The following ACTR3B variants were observed in gnomAD, a reference collection of about 807,000 sequenced individuals.
ACTR3B encodes the protein actin related protein 3B.
Under a neutral mutation model 59.0 loss-of-function variants are expected in ACTR3B, and 8 were observed. The ratio of observed to expected loss-of-function variants is 0.14; its 90% CI spans 0.08 to 0.24. The LOEUF (loss-of-function observed/expected upper bound fraction) is 0.24, where lower values mean the gene tolerates loss of function less well. ACTR3B is among the 10% of genes least tolerant of loss of function. The probability of loss-of-function intolerance (pLI) is 1.00; values close to 1 mark genes in which losing one functional copy is unlikely to be tolerated. For missense variants in ACTR3B, 245 were observed against 552.3 expected, an observed-to-expected ratio of 0.44 and a Z score of 5.58; for synonymous variants, 148 against 197.9, an observed-to-expected ratio of 0.75 and a Z score of 2.12.
Position 152,812,019 on chromosome 7 carries a change from C to CTTTTTTTTTTTTTTTTTT in ACTR3B, c.337-2519_337-2502dup, listed in dbSNP as rs1164677748. The CTTTTTTTTTTTTTTTTTT allele has an allele frequency of 4.7e-4, 11 of 23,378 alleles. 3 individuals are homozygous for CTTTTTTTTTTTTTTTTTT. Among genetic ancestry groups the CTTTTTTTTTTTTTTTTTT allele is most frequent in the African/African-American group, 9.0e-4 (8 of 8,844 alleles). The allele number at this position is 23,378 out of a possible 1,614,324, so 1.4% of individuals were successfully genotyped here. Reference sequence around the variant, plus strand: ...TTCTTAATTCCCAGAAAATAAAAGTCTTTTTTTTTTTTTTTTTTTTTTTTT... The same window carrying CTTTTTTTTTTTTTTTTTT: ...TTCTTAATTCCCAGAAAATAAAAGTCTTTTTTTTTTTTTTTTTTTTTTTTTTTTTTTTTTTTTTTTTTT... On this transcript the variant is annotated intron_variant, in intron 4 of 11. Coordinates refer to ENST00000256001, the MANE Select transcript of ACTR3B (RefSeq NM_020445.6).
rs753117754 is a variant in ACTR3B at position 152,800,514 on chromosome 7, T to C, written c.101-17T>C. The C allele has an allele frequency of 1.9e-6, 3 of 1,612,614 alleles. No individual in the cohort carries two copies. In the Admixed American group the frequency reaches 5.0e-5, roughly 27 times the overall value. On this transcript the variant is annotated splice_polypyrimidine_tract_variant and intron_variant, in intron 2 of 11. Coordinates refer to ENST00000256001, the MANE Select transcript of ACTR3B (RefSeq NM_020445.6). ...ATGGATAGTGATAGAAATCTGTGTG[T>C]GTGTGTTTTTTTTAAGGTATTGCCA...
At chr7:152,832,839 T>A (rs926827271) in intron 9 of ACTR3B, among the ~76,000 whole-genome samples, 3 of 152,234 alleles carry the variant, frequency 2.0e-5, no homozygotes, top group Non-Finnish European at 2.9e-5. Flanking sequence ...TTCAGCTGAC[T>A]GGATGAGGCC....
intron 2 of ACTR3B, among the ~76,000 whole-genome samples, chr7:152,796,238 A>G (rs1201001865): frequency 6.6e-6 from 1 of 152,124 alleles, no homozygotes; most frequent in African/African-American, 2.4e-5. Flanking sequence ...TTGCTATTAT[A>G]ATTAGTTCTA....
intron 9 of ACTR3B, among the ~76,000 whole-genome samples, chr7:152,840,454 G>A (rs866099073): frequency 6.6e-6 from 1 of 152,208 alleles, no homozygotes; most frequent in Non-Finnish European, 1.5e-5. Flanking sequence ...GGGCGTGGGA[G>A]CCCACGGGTG....
At position 152,820,743 on chromosome 7, in the gene ACTR3B, G is replaced by T. The variant is rs542916016; in HGVS notation, c.684+301G>T. On this transcript the variant is annotated intron_variant, in intron 7 of 11. Coordinates refer to ENST00000256001, the MANE Select transcript of ACTR3B (RefSeq NM_020445.6). ...CTGCTGGAGCCTCATCTACCAGAGG[G>T]CTCCTTCCATACTGCCTCCATGCTT... is the stretch of plus-strand genomic sequence containing the variant. Among the ~76,000 whole-genome samples the T allele has an allele frequency of 2.0e-5, 3 of 152,372 alleles. No homozygotes were observed. The South Asian group carries it at 6.2e-4, about 32-fold the overall frequency.
chr7:152,842,799 G>C (rs1330421847), intron 9 of ACTR3B, among the ~76,000 whole-genome samples: 1 of 152,196 alleles, frequency 6.6e-6, no homozygotes, highest in African/African-American at 2.4e-5. Context: ...AAGTACCCAG[G>C]AGTGCAGTTG....
At chr7:152,819,166 A>G (rs1200269727) in intron 6 of ACTR3B, among the ~76,000 whole-genome samples, 1 of 152,240 alleles carries the variant, frequency 6.6e-6, no homozygotes. Context: ...TACCTTACAA[A>G]TACTTGGACT....
chr7:152,811,859 C>CT (rs1047146274), intron 4 of ACTR3B: 3 of 148,520 alleles, frequency 2.0e-5, no homozygotes, highest in African/African-American at 7.3e-5. Flanking sequence ...GCCTCTGATA[C>CT]TTTATCAGTT....
rs542046481 is a variant in ACTR3B, at chr7:152,785,163, G to T, written c.100+1921G>T. 3.3e-5 allele frequency among the ~76,000 whole-genome samples: 5 copies of T among 151,662 alleles called. No individual in the cohort carries two copies. In the South Asian group the frequency reaches 8.4e-4, roughly 25 times the overall value. On this transcript the variant is annotated intron_variant, in intron 2 of 11. Transcript: ENST00000256001. ...GTGTTGCCATTTAAAGCTGTCGGTA[G>T]CATTCAGTTGGCTGCCCCATTTAAC...
At chr7:152,838,815 G>T (rs1342328440) in intron 9 of ACTR3B, among the ~76,000 whole-genome samples, 1 of 152,156 alleles carries the variant, frequency 6.6e-6, no homozygotes, top group African/African-American at 2.4e-5. Flanking sequence ...TCAAGGCCAG[G>T]GTTCCACTTC....
intron 7 of ACTR3B, among the ~76,000 whole-genome samples, 186 bp downstream of exon 7, chr7:152,820,628 G>T (rs1391882736): frequency 1.3e-5 from 2 of 152,176 alleles, no homozygotes; most frequent in South Asian, 2.1e-4. Flanking sequence ...CAAACTAGAT[G>T]CTTTGAGGTT....
chr7:152,779,776 C>T (rs561936206), intron 1 of ACTR3B, among the ~76,000 whole-genome samples: 3 of 152,022 alleles, frequency 2.0e-5, no homozygotes, highest in Non-Finnish European at 4.4e-5. Context: ...AATAGATTGT[C>T]ATTGAAGTTA....
rs1164887032 is a variant in ACTR3B, at chr7:152,800,669, A to C, written c.225+14A>C. ...TATGCTACAAAGGTAAATTTCCGAC[A>C]GGTGTTTGCTTCTCTAAGTGTAGAG... On this transcript the variant is annotated intron_variant, in intron 3 of 11. Coordinates refer to ENST00000256001, the MANE Select transcript of ACTR3B (RefSeq NM_020445.6). 5 of 1,612,636 alleles carry C rather than the reference A, an allele frequency of 3.1e-6. No homozygotes were observed. The highest frequency in any genetic ancestry group is 2.5e-6 in the Non-Finnish European group (3 of 1,179,344).
At chr7:152,780,032 A>G (rs1403127257) in intron 1 of ACTR3B, among the ~76,000 whole-genome samples, 2 of 152,112 alleles carry the variant, frequency 1.3e-5, no homozygotes, top group Non-Finnish European at 2.9e-5. Context: ...CTAGGAGGGT[A>G]AGGATCTCAT....
chr7:152,769,837 C>T (rs1484633384), intron 1 of ACTR3B, among the ~76,000 whole-genome samples: 2 of 149,746 alleles, frequency 1.3e-5, no homozygotes, highest in Non-Finnish European at 1.5e-5. Flanking sequence ...TCTTCTTCCT[C>T]TCTCCCTTTC....
At chr7:152,800,203 A>G (rs1340042316) in intron 2 of ACTR3B, among the ~76,000 whole-genome samples, 15 of 152,256 alleles carry the variant, frequency 9.9e-5, no homozygotes, top group Non-Finnish European at 1.9e-4. Context: ...TAAATTTGGA[A>G]CCTACTGATG....
chr7:152,776,671 A>G (rs942228167), intron 1 of ACTR3B, among the ~76,000 whole-genome samples: 6 of 152,248 alleles, frequency 3.9e-5, no homozygotes, highest in African/African-American at 1.4e-4. Flanking sequence ...ATTATCCAAA[A>G]ATGGCAACAT....
intron 9 of ACTR3B, among the ~76,000 whole-genome samples, chr7:152,844,148 C>T (rs1468497185): frequency 1.3e-5 from 2 of 152,150 alleles, no homozygotes; most frequent in South Asian, 4.1e-4. Flanking sequence ...ACCTCCGCCT[C>T]CCAGGTTCAA....
At chr7:152,832,818 T>A (rs565282672) in intron 9 of ACTR3B, among the ~76,000 whole-genome samples, 2 of 152,358 alleles carry the variant, frequency 1.3e-5, no homozygotes, top group South Asian at 4.1e-4. Flanking sequence ...TCAGTTTTTG[T>A]TCTTGAGACC....
Sources: gnomAD v4.1 joint callset for allele counts (sites outside exome capture counted in the v4.1 genomes callset) on GRCh38, gnomAD v4.1.1 for gene constraint, MANE v1.5 for transcripts, NCBI Gene and HGNC (gene_info 2026-07-23, HGNC 2026-07-21) for gene names.